The following CAMK4 variants were observed in gnomAD, a reference collection of about 807,000 sequenced individuals.
CAMK4 encodes the protein calcium/calmodulin dependent protein kinase IV.
A neutral mutation model predicts 44.9 loss-of-function variants in CAMK4; 22 were observed. The observed-to-expected ratio is 0.49, with a 90% CI of 0.35 to 0.70. The LOEUF (loss-of-function observed/expected upper bound fraction) is 0.70. Among genes scored for constraint, CAMK4 ranks in the 30% least tolerant of loss-of-function variants. The pLI is 0.01. For synonymous variants in CAMK4, 218 were observed against 215.4 expected, an observed-to-expected ratio of 1.01 and a Z score of -0.11; for missense variants, 498 against 586.8, an observed-to-expected ratio of 0.85 and a Z score of 1.56.
chr5:111,394,662 C>A, intron 4 of CAMK4, 48 bp from the exon 5 acceptor site: 6 of 1,253,408 alleles, frequency 4.8e-6, no homozygotes, highest in Non-Finnish European at 5.8e-6. Flanking sequence ...AATATCCATT[C>A]TTCTGAATGA....
At chr5:111,439,321 G>A (rs1285186797) in intron 5 of CAMK4, among the ~76,000 whole-genome samples, 2 of 152,170 alleles carry the variant, frequency 1.3e-5, no homozygotes, top group African/African-American at 2.4e-5. Context: ...AGCTAAGCTG[G>A]TTATTAGAGT....
chr5:111,349,288 T>A (rs451081), intron 2 of CAMK4, among the ~76,000 whole-genome samples: 132,612 of 151,912 alleles, frequency 0.87, 58,148 homozygotes, highest in East Asian at 1. Context: ...TTTAACTTTG[T>A]AGTTTGTAAA....
chr5:111,486,187 A>C lies in CAMK4; in HGVS notation c.*1721A>C, dbSNP rs1755611216. Reference sequence around the variant, plus strand: ...CTACTACTGTTCTCATGGGAAGAAAACAAGGTAGGACTTCTTATCTTTCAT... The same window carrying C: ...CTACTACTGTTCTCATGGGAAGAAACCAAGGTAGGACTTCTTATCTTTCAT... On this transcript the variant is annotated 3_prime_UTR_variant, in exon 11 of 11. Transcript: ENST00000282356. 6.6e-6 allele frequency: 1 copy of C among 152,136 alleles called. No individual in the cohort carries two copies. The highest frequency in any genetic ancestry group is 1.5e-5 in the Non-Finnish European group (1 of 68,034). 9.4% of individuals were successfully genotyped at this position (152,136 alleles called of 1,614,324 possible). A position where few individuals can be genotyped will look rare whatever the true frequency, so the allele number is the denominator to read the frequency against.
chr5:111,310,896 A>G (rs1320701237), intron 1 of CAMK4, among the ~76,000 whole-genome samples: 1 of 152,140 alleles, frequency 6.6e-6, no homozygotes, highest in African/African-American at 2.4e-5. Flanking sequence ...GAGTCGCTTT[A>G]GCTGTGTTCA....
chr5:111,303,400 AGGAGCTGAT>A (rs1246444247), intron 1 of CAMK4, among the ~76,000 whole-genome samples: 2 of 48,108 alleles, frequency 4.2e-5, no homozygotes. Flanking sequence ...AAGTGCTTAA[AGGAGCTGAT>A]GGAGCTGAAA....
intron 1 of CAMK4, among the ~76,000 whole-genome samples, chr5:111,331,119 C>G (rs1458122263): frequency 6.6e-6 from 1 of 151,348 alleles, no homozygotes; most frequent in African/African-American, 2.4e-5. Flanking sequence ...AATTGGATCT[C>G]AAAATTAAAA....
At chr5:111,419,487 C>T (rs1281764503) in intron 5 of CAMK4, among the ~76,000 whole-genome samples, 2 of 152,120 alleles carry the variant, frequency 1.3e-5, no homozygotes, top group Non-Finnish European at 2.9e-5. Flanking sequence ...GTTGCCATTG[C>T]TTTTGGTGTT....
chr5:111,401,333 T>G (rs573698262), intron 5 of CAMK4, among the ~76,000 whole-genome samples: 1 of 152,262 alleles, frequency 6.6e-6, no homozygotes, highest in South Asian at 2.1e-4. Context: ...GAGACAGGAT[T>G]TCACTATGTA....
chr5:111,377,171 CTATT>C (rs774083811), intron 4 of CAMK4, among the ~76,000 whole-genome samples: 31 of 152,112 alleles, frequency 2.0e-4, no homozygotes, highest in Non-Finnish European at 4.3e-4. Context: ...ACTATAATAT[CTATT>C]TATCTTTGCA....
Position 111,484,447 on chromosome 5 carries a change from T to C in CAMK4, c.1403T>C (p.Val468Ala). 1 of 1,521,646 alleles carries C rather than the reference T, an allele frequency of 6.6e-7. No individual in the cohort carries two copies. Among genetic ancestry groups the C allele is most frequent in the Non-Finnish European group, 8.8e-7 (1 of 1,136,084 alleles). 94.3% of individuals were successfully genotyped at this position (1,521,646 alleles called of 1,614,324 possible). ...GGTTTTGAAGTTCCACAGCAAGATG[T>C]GATCCTGCCAGAGTACTAAACAGCT... ...AVGFEVPQQD[V>A]ILPEY is the part of the protein sequence containing the mutation. The change falls in exon 11 of 11, where the codon GTG becomes GCG. Residue 468 changes from valine to alanine, a missense_variant. Transcript: ENST00000282356. This position sits in a 1 kb window ranked among gnomAD's most constrained non-coding sequence, Gnocchi z 5.3.
At chr5:111,426,591 A>G (rs78572032) in intron 5 of CAMK4, among the ~76,000 whole-genome samples, 2 of 152,300 alleles carry the variant, frequency 1.3e-5, no homozygotes, top group East Asian at 3.9e-4. Flanking sequence ...TATCGCTGAA[A>G]GAGGCACTGA....
intron 1 of CAMK4, among the ~76,000 whole-genome samples, chr5:111,245,909 G>C (rs1749213945): frequency 1.3e-5 from 2 of 152,184 alleles, no homozygotes. Context: ...CTTGTGTTCA[G>C]CCAAAGCATG....
intron 5 of CAMK4, among the ~76,000 whole-genome samples, chr5:111,444,173 G>A (rs1040654961): frequency 2.0e-5 from 3 of 152,120 alleles, no homozygotes; most frequent in African/African-American, 7.2e-5. Context: ...AGACGTATGT[G>A]CTCTACAGCC....
chr5:111,483,631 C>T (rs564089967), intron 10 of CAMK4, among the ~76,000 whole-genome samples: 1 of 152,254 alleles, frequency 6.6e-6, no homozygotes, highest in East Asian at 1.9e-4. Flanking sequence ...TAGGATTTCT[C>T]CAGCTAGTTT....
chr5:111,391,640 C>G (rs151048472), intron 4 of CAMK4, among the ~76,000 whole-genome samples: 1 of 151,936 alleles, frequency 6.6e-6, no homozygotes, highest in East Asian at 1.9e-4. Context: ...ATTGCACACC[C>G]CAAAGAAGAA....
chr5:111,429,154 T>A (rs1753337750), intron 5 of CAMK4, among the ~76,000 whole-genome samples: 2 of 150,614 alleles, frequency 1.3e-5, no homozygotes, highest in African/African-American at 2.4e-5. Flanking sequence ...CAGAAACAAA[T>A]GAAATTAAAG....
chr5:111,336,933 T>C (rs577107028), intron 1 of CAMK4, among the ~76,000 whole-genome samples: 1 of 151,188 alleles, frequency 6.6e-6, no homozygotes, highest in Non-Finnish European at 1.5e-5. Context: ...AACAATATAG[T>C]TCTTTTGGAA....
intron 4 of CAMK4, among the ~76,000 whole-genome samples, chr5:111,390,184 G>A (rs1751748854): frequency 6.6e-6 from 1 of 152,034 alleles, no homozygotes; most frequent in Non-Finnish European, 1.5e-5. Flanking sequence ...TTTGACCCTA[G>A]TGCTGGTAAA....
At chr5:111,343,687 C>T (rs1561426379) in intron 1 of CAMK4, among the ~76,000 whole-genome samples, 1 of 151,700 alleles carries the variant, frequency 6.6e-6, no homozygotes, top group Admixed American at 6.6e-5. Flanking sequence ...CTCTGGGATT[C>T]TGAAATTGGG....
Sources: allele counts gnomAD v4.1 joint callset (sites outside exome capture counted in the v4.1 genomes callset), GRCh38; gene constraint gnomAD v4.1.1; non-coding constraint Gnocchi (gnomAD v3.1); transcripts MANE v1.5; gene names NCBI Gene and HGNC (gene_info 2026-07-23, HGNC 2026-07-21).